The following TC2N variants were observed in gnomAD, a reference collection of about 807,000 sequenced individuals.
The protein encoded by TC2N is tandem C2 domains nuclear protein.
In TC2N, 51 loss-of-function variants were observed where a neutral mutation model predicts 61.9. The observed-to-expected ratio is 0.82, with a 90% CI of 0.66 to 1.04. The LOEUF is 1.04. Among genes scored for constraint, TC2N ranks in the 50% least tolerant of loss-of-function variants. The pLI is 0.00. For synonymous variants in TC2N, 204 were observed against 192.6 expected (o/e 1.06, Z -0.49); for missense variants, 556 against 566.7 (o/e 0.98, Z 0.19).
At chr14:91,789,384 C>T (rs1025914182) in intron 9 of TC2N, among the ~76,000 whole-genome samples, 1 of 150,906 alleles carries the variant, frequency 6.6e-6, no homozygotes, top group African/African-American at 2.4e-5. Context: ...ATCACGAGGT[C>T]AGATCGAGAC....
chr14:91,801,553 T>C (rs77062454), intron 4 of TC2N, among the ~76,000 whole-genome samples: 1 of 152,054 alleles, frequency 6.6e-6, no homozygotes, highest in Non-Finnish European at 1.5e-5. Context: ...GCTTCTGCGG[T>C]GGGGCAGGGG....
At chr14:91,795,337 A>G (rs1408302929) in intron 8 of TC2N, among the ~76,000 whole-genome samples, 5 of 152,150 alleles carry the variant, frequency 3.3e-5, no homozygotes, top group African/African-American at 4.8e-5. Context: ...AAGAAGTTCT[A>G]CTGTGGATAA....
intron 9 of TC2N, among the ~76,000 whole-genome samples, chr14:91,789,086 T>C (rs1268337918): frequency 6.6e-6 from 1 of 152,204 alleles, no homozygotes; most frequent in Non-Finnish European, 1.5e-5. Flanking sequence ...TTTTTTATTA[T>C]TTTTTATTAC....
intron 1 of TC2N, among the ~76,000 whole-genome samples, chr14:91,862,760 G>A (rs74928594): frequency 0.026 from 3,992 of 152,272 alleles, 186 homozygotes; most frequent in African/African-American, 0.089. Flanking sequence ...AGTACACCTG[G>A]GAACTCTTCA....
chr14:91,793,701 T>A (rs867331514), intron 8 of TC2N, among the ~76,000 whole-genome samples: 2 of 152,310 alleles, frequency 1.3e-5, no homozygotes, highest in South Asian at 4.1e-4. Context: ...ATATGTGTGT[T>A]CTGACGGCTC....
rs1323943628 is a variant in TC2N at position 91,780,147 on chromosome 14, T to TAC, written c.*2951_*2952dup. ...ACATTTTATCAGGTATTTTCCTCAT[T>TAC]ACACCCAACCAAACACAGAAAGAAA... On this transcript the variant is annotated 3_prime_UTR_variant, in exon 12 of 12. Transcript: ENST00000435962. 6.6e-6 allele frequency: 1 copy of TAC among 152,204 alleles called. No homozygotes were observed. The highest frequency in any genetic ancestry group is 6.5e-5 in the Admixed American group (1 of 15,282). The allele number at this position is 152,204 out of a possible 1,614,324, so 9.4% of individuals were successfully genotyped here.
At position 91,782,195 on chromosome 14, in the gene TC2N, T is replaced by G. The variant is rs1472651223; in HGVS notation, c.*905A>C. Reference sequence around the variant, plus strand: ...ATTTGTTACACAGTATAATCAGGTATGGTTATGAAAAAAATGAGAAAATAC... The same window carrying G: ...ATTTGTTACACAGTATAATCAGGTAGGGTTATGAAAAAAATGAGAAAATAC... On this transcript the variant is annotated 3_prime_UTR_variant, in exon 12 of 12. Transcript: ENST00000435962. 6.6e-6 allele frequency: 1 copy of G among 151,912 alleles called. No homozygotes were observed. The highest frequency in any genetic ancestry group is 2.4e-5 in the African/African-American group (1 of 41,396). 9.4% of individuals were successfully genotyped at this position (151,912 alleles called of 1,614,324 possible). A position where few individuals can be genotyped will look rare whatever the true frequency, so the allele number is the denominator to read the frequency against.
At chr14:91,848,240 C>T (rs368724223) in intron 1 of TC2N, among the ~76,000 whole-genome samples, 2 of 152,222 alleles carry the variant, frequency 1.3e-5, no homozygotes, top group African/African-American at 2.4e-5. Flanking sequence ...TTGGGAAAGT[C>T]GCTTCACCAA....
chr14:91,780,090 T>A lies in TC2N; in HGVS notation c.*3010A>T, dbSNP rs1023639311. The A allele has an allele frequency of 6.6e-6, 1 of 152,344 alleles. No homozygotes were observed. The highest frequency in any genetic ancestry group is 1.9e-4 in the East Asian group (1 of 5,184). The allele number at this position is 152,344 out of a possible 1,614,324, so 9.4% of individuals were successfully genotyped here. A position where few individuals can be genotyped will look rare whatever the true frequency, so the allele number is the denominator to read the frequency against. ...AATTTTGAATAAAAATTACAGCTTA[T>A]GCACCAAGATAACATTAGAAAGTGT... On this transcript the variant is annotated 3_prime_UTR_variant, in exon 12 of 12. Coordinates refer to ENST00000435962, the MANE Select transcript of TC2N (RefSeq NM_001128596.3).
chr14:91,803,384 C>T (rs1012891371), intron 3 of TC2N, among the ~76,000 whole-genome samples: 16 of 137,370 alleles, frequency 1.2e-4, no homozygotes, highest in African/African-American at 3.9e-4. Flanking sequence ...CATATATACA[C>T]ACACACACAC....
chr14:91,788,488 G>A (rs1246194888), intron 9 of TC2N, among the ~76,000 whole-genome samples: 2 of 152,138 alleles, frequency 1.3e-5, no homozygotes, highest in Non-Finnish European at 2.9e-5. Context: ...ATCATACTAG[G>A]GCTCAGCATA....
chr14:91,800,398 A>G (rs746329009), intron 4 of TC2N, 26 bp from the exon 5 acceptor site: 13 of 1,359,904 alleles, frequency 9.6e-6, no homozygotes, highest in Non-Finnish European at 1.2e-5. Flanking sequence ...AGAAAAGTAT[A>G]TATTTTTAAG....
In TC2N at chr14:91,812,929, G is replaced by A. The variant is rs190632324; in HGVS notation, c.68-384C>T. 3.4e-3 allele frequency among the ~76,000 whole-genome samples: 516 copies of A among 151,882 alleles called. 5 individuals carry two copies. The highest frequency in any genetic ancestry group is 6.1e-3 in the Non-Finnish European group (415 of 67,786). On this transcript the variant is annotated intron_variant, in intron 2 of 11. Coordinates refer to ENST00000435962, the MANE Select transcript of TC2N (RefSeq NM_001128596.3). ...TTTGTTGCTGGCAGCTACCCCAGTC[G>A]TAGCTTCTATGACCCATTTTATTCA...
Position 91,781,562 on chromosome 14 carries a change from T to C in TC2N, c.*1538A>G, listed in dbSNP as rs1011199178. ...CCTACAACTGCTCTAAAAAAAAAAG[T>C]CTATTTTTAAAAACAATTTTTAAAA... On this transcript the variant is annotated 3_prime_UTR_variant, in exon 12 of 12. Transcript: ENST00000435962. The C allele has an allele frequency of 2.0e-5, 3 of 152,032 alleles. No individual in the cohort carries two copies. Among genetic ancestry groups the C allele is most frequent in the Non-Finnish European group, 4.4e-5 (3 of 67,922 alleles). The allele number at this position is 152,032 out of a possible 1,614,324, so 9.4% of individuals were successfully genotyped here. A position where few individuals can be genotyped will look rare whatever the true frequency, so the allele number is the denominator to read the frequency against.
chr14:91,797,673 A>G lies in TC2N; in HGVS notation c.855+112T>C, dbSNP rs1885962345. 5.7e-6 allele frequency: 4 copies of G among 702,828 alleles called. No individual in the cohort carries two copies. In the Middle Eastern group the frequency reaches 8.5e-4, roughly 149 times the overall value. 43.5% of individuals were successfully genotyped at this position (702,828 alleles called of 1,614,324 possible). On this transcript the variant is annotated intron_variant, in intron 8 of 11. Coordinates refer to ENST00000435962, the MANE Select transcript of TC2N (RefSeq NM_001128596.3). ...TGAAAAAGCAATAATACATAGTTGT[A>G]GTTTCCCTAAGATAAAAGACTTTCT...
At chr14:91,847,325 C>T (rs1888290985) in intron 1 of TC2N, among the ~76,000 whole-genome samples, 1 of 151,918 alleles carries the variant, frequency 6.6e-6, no homozygotes, top group Admixed American at 6.6e-5. Flanking sequence ...TTCTTTGAAA[C>T]TCCTTTCAAC....
intron 1 of TC2N, among the ~76,000 whole-genome samples, chr14:91,845,324 G>A (rs1888250612): frequency 1.3e-5 from 2 of 152,118 alleles, no homozygotes; most frequent in Admixed American, 6.5e-5. Flanking sequence ...GAATTAGTAG[G>A]CATTATCTAG....
chr14:91,857,598 A>C (rs964738360), intron 1 of TC2N, among the ~76,000 whole-genome samples: 2 of 152,248 alleles, frequency 1.3e-5, no homozygotes, highest in Non-Finnish European at 2.9e-5. Flanking sequence ...TTAACAGATG[A>C]GAAAAGTGAG....
At position 91,785,275 on chromosome 14, in the gene TC2N, C is replaced by A; in HGVS notation, c.1249G>T (p.Val417Phe). The A allele has an allele frequency of 1.9e-6, 3 of 1,613,428 alleles. No individual in the cohort carries two copies. The highest frequency in any genetic ancestry group is 2.5e-6 in the Non-Finnish European group (3 of 1,179,494). Residue 417 changes from valine (V) to phenylalanine (F), a missense_variant, in exon 11 of 12, where the codon GTC (valine) becomes TTC (phenylalanine). Coordinates refer to ENST00000435962, the MANE Select transcript of TC2N (RefSeq NM_001128596.3). ...TRLLKASNGR[V>F]KWGETMIFPL... Reference sequence around the variant, plus strand: ...AAAATCATAGTCTCTCCCCACTTGACTCTTCCATTGGAGGCCTTCAGTAAG... The same window carrying A: ...AAAATCATAGTCTCTCCCCACTTGAATCTTCCATTGGAGGCCTTCAGTAAG...
Sources: allele counts gnomAD v4.1 joint callset (sites outside exome capture counted in the v4.1 genomes callset), GRCh38; gene constraint gnomAD v4.1.1; transcripts MANE v1.5; gene names NCBI Gene and HGNC (gene_info 2026-07-23, HGNC 2026-07-21).